VPS33A: variants seen among roughly 807,000 people sequenced by gnomAD.
VPS33A encodes VPS33A core subunit of CORVET and HOPS complexes, also known as vacuolar protein sorting-associated protein 33A.
Under a neutral mutation model 71.8 loss-of-function variants are expected in VPS33A, and 32 were observed. The observed-to-expected ratio is 0.45, with a 90% CI of 0.34 to 0.60. The LOEUF is 0.60. Among genes scored for constraint, VPS33A ranks in the 20% least tolerant of loss-of-function variants. The pLI is 0.02. For missense variants in VPS33A, 625 were observed against 748.5 expected, an observed-to-expected ratio of 0.84 and a Z score of 1.92; for synonymous variants, 311 against 292.7, an observed-to-expected ratio of 1.06 and a Z score of -0.64.
intron 4 of VPS33A, among the ~76,000 whole-genome samples, chr12:122,255,134 C>A (rs1159353974): frequency 6.6e-6 from 1 of 151,924 alleles, no homozygotes; most frequent in Admixed American, 6.6e-5. Flanking sequence ...CTCCTCTGCA[C>A]AGATTTTGTC....
At chr12:122,262,915 A>T (rs1372073232) in intron 3 of VPS33A, among the ~76,000 whole-genome samples, 1 of 151,986 alleles carries the variant, frequency 6.6e-6, no homozygotes, top group Non-Finnish European at 1.5e-5. Context: ...ATGTGAAATA[A>T]GCACATCACG....
chr12:122,236,692 G>A (rs563784941), intron 10 of VPS33A, among the ~76,000 whole-genome samples: 100 of 152,218 alleles, frequency 6.6e-4, no homozygotes, highest in Admixed American at 1.0e-3. Flanking sequence ...CTATGAGCTG[G>A]GCACTGTTCT....
intron 10 of VPS33A, among the ~76,000 whole-genome samples, chr12:122,237,255 A>G (rs908614825): frequency 6.6e-6 from 1 of 152,194 alleles, no homozygotes; most frequent in Admixed American, 6.5e-5. Context: ...AGAAATTTGC[A>G]GAAAGTTCTT....
intron 9 of VPS33A, 63 bp from the exon 10 acceptor site, chr12:122,238,787 A>C: frequency 1.6e-6 from 2 of 1,271,504 alleles, no homozygotes; most frequent in Non-Finnish European, 2.2e-6. Flanking sequence ...ACACACACAC[A>C]CACACACACA....
At chr12:122,246,261 T>G (rs913974274) in intron 6 of VPS33A, among the ~76,000 whole-genome samples, 2 of 152,102 alleles carry the variant, frequency 1.3e-5, no homozygotes, top group African/African-American at 4.8e-5. Context: ...TTGAGAGGCT[T>G]AGGTGGGAGG....
chr12:122,246,758 C>A (rs1226729282), intron 6 of VPS33A, among the ~76,000 whole-genome samples: 2 of 151,972 alleles, frequency 1.3e-5, no homozygotes, highest in African/African-American at 4.8e-5. Flanking sequence ...CGCCACCATA[C>A]CTGGCTAATT....
At chr12:122,237,096 A>G (rs1258706627) in intron 10 of VPS33A, among the ~76,000 whole-genome samples, 1 of 152,236 alleles carries the variant, frequency 6.6e-6, no homozygotes, top group Non-Finnish European at 1.5e-5. Flanking sequence ...TTTAATAAAA[A>G]TGTACTTAAC....
intron 8 of VPS33A, chr12:122,241,165 C>T (rs1566040936): frequency 6.6e-6 from 1 of 150,904 alleles, no homozygotes; most frequent in South Asian, 2.1e-4. Context: ...AAAAGCTAGA[C>T]TAAAAAAATT....
At chr12:122,258,491 GA>G (rs1479342648) in intron 4 of VPS33A, among the ~76,000 whole-genome samples, 2 of 152,028 alleles carry the variant, frequency 1.3e-5, no homozygotes, top group African/African-American at 4.8e-5. Context: ...AATCTATTAA[GA>G]ATTCTTACAA....
At chr12:122,239,542 G>T (rs1262252290) in intron 9 of VPS33A, among the ~76,000 whole-genome samples, 1 of 152,032 alleles carries the variant, frequency 6.6e-6, no homozygotes, top group East Asian at 1.9e-4. Context: ...AGACCATCCT[G>T]GCTAACATGG....
chr12:122,242,569 T>G, intron 7 of VPS33A, 61 bp from the exon 8 acceptor site: 1 of 1,532,666 alleles, frequency 6.5e-7, no homozygotes, highest in South Asian at 1.2e-5. Context: ...TTTTATTTTT[T>G]TGAGAAGGAC....
chr12:122,244,213 C>T (rs1954748552), intron 7 of VPS33A, among the ~76,000 whole-genome samples: 1 of 152,162 alleles, frequency 6.6e-6, no homozygotes, highest in African/African-American at 2.4e-5. Flanking sequence ...CAGCATGAAC[C>T]ACAAGTTCTA....
intron 1 of VPS33A, among the ~76,000 whole-genome samples, chr12:122,265,172 G>C (rs1566055549): frequency 6.6e-6 from 1 of 151,952 alleles, no homozygotes; most frequent in Non-Finnish European, 1.5e-5. Context: ...GCCTGCCGTG[G>C]CCTCCCAAAG....
At chr12:122,254,342 C>G (rs762993754) in intron 4 of VPS33A, among the ~76,000 whole-genome samples, 2 of 151,892 alleles carry the variant, frequency 1.3e-5, no homozygotes, top group Non-Finnish European at 2.9e-5. Flanking sequence ...CTGTGCCATC[C>G]GGATAAAGTC....
chr12:122,263,077 C>T (rs138819966), intron 3 of VPS33A, among the ~76,000 whole-genome samples: 21 of 150,484 alleles, frequency 1.4e-4, no homozygotes, highest in Non-Finnish European at 2.2e-4. Context: ...ACTGCAACCT[C>T]TGCCTCCCGG....
In VPS33A at chr12:122,237,699, G is replaced by A. The variant is rs1438782339; in HGVS notation, c.1302+888C>T. Among the ~76,000 whole-genome samples the A allele has an allele frequency of 8.9e-5, 7 of 79,028 alleles. 1 individual carries two copies. Among genetic ancestry groups the A allele is most frequent in the African/African-American group, 3.1e-4 (3 of 9,542 alleles). 51.8% of individuals were successfully genotyped at this position (79,028 alleles called of 152,430 possible). ...GCTGGGACTACAGGCGCCCGCCACC[G>A]CGCCCGGCTAATTTTTTGTATTTTT... On this transcript the variant is annotated intron_variant, in intron 10 of 12. Coordinates refer to ENST00000267199, the MANE Select transcript of VPS33A (RefSeq NM_022916.6).
At chr12:122,250,140 A>C in intron 5 of VPS33A, 95 bp from the exon 6 acceptor site, 1 of 1,331,074 alleles carries the variant, frequency 7.5e-7, no homozygotes, top group Non-Finnish European at 1.0e-6. Context: ...AAAAGTAAAA[A>C]AGGAGAAAAA....
At chr12:122,249,833 A>G in intron 6 of VPS33A, 38 bp downstream of exon 6, 6 of 1,568,678 alleles carry the variant, frequency 3.8e-6, no homozygotes, top group Non-Finnish European at 5.2e-6. Flanking sequence ...TATTCTTCTC[A>G]TATTACCTAT....
chr12:122,241,075 G>A (rs61954366), intron 8 of VPS33A: 11,664 of 150,324 alleles, frequency 0.078, 560 homozygotes, highest in Middle Eastern at 0.13. Context: ...CAGAGGTTGC[G>A]GTGAGCCAAG....
Sources: gnomAD v4.1 joint callset for allele counts (sites outside exome capture counted in the v4.1 genomes callset) on GRCh38, gnomAD v4.1.1 for gene constraint, MANE v1.5 for transcripts, NCBI Gene and HGNC (gene_info 2026-07-23, HGNC 2026-07-21) for gene names.